GPR176: variants seen among roughly 807,000 people sequenced by gnomAD.
GPR176 encodes G protein-coupled receptor 176.
In GPR176, 26 loss-of-function variants were observed where a neutral mutation model predicts 35.4. The ratio of observed to expected loss-of-function variants is 0.74; its 90% confidence interval spans 0.54 to 1.02. The LOEUF is 1.02. Ranked by LOEUF, GPR176 falls within the 50% of genes least tolerant of loss-of-function variation. The probability of loss-of-function intolerance (pLI) is 0.00; values close to 1 mark genes in which losing one functional copy is unlikely to be tolerated. For missense variants in GPR176, 597 were observed against 665.3 expected, an observed-to-expected ratio of 0.90 and a Z score of 1.13; for synonymous variants, 278 against 271.3, an observed-to-expected ratio of 1.02 and a Z score of -0.24.
chr15:39,886,555 T>A (rs1268116814), intron 1 of GPR176, among the ~76,000 whole-genome samples: 1 of 152,094 alleles, frequency 6.6e-6, no homozygotes, highest in Non-Finnish European at 1.5e-5. Flanking sequence ...GCCTGAATGA[T>A]CTCAAAAATT....
intron 1 of GPR176, among the ~76,000 whole-genome samples, chr15:39,810,560 A>G (rs1231969940): frequency 1.3e-5 from 2 of 152,262 alleles, no homozygotes; most frequent in Non-Finnish European, 2.9e-5. Context: ...TGTGCATCTG[A>G]GAATCCTTCT....
chr15:39,859,984 G>T (rs1462808602), intron 1 of GPR176, among the ~76,000 whole-genome samples: 4 of 86,870 alleles, frequency 4.6e-5, no homozygotes, highest in African/African-American at 2.4e-4. Flanking sequence ...CAATAAAAAA[G>T]GCTTAAATCA....
intron 1 of GPR176, among the ~76,000 whole-genome samples, chr15:39,821,880 T>G (rs1900296551): frequency 6.6e-6 from 1 of 152,262 alleles, no homozygotes; most frequent in East Asian, 1.9e-4. Flanking sequence ...CATCCCTGTG[T>G]GGGCCTCTCC....
intron 1 of GPR176, among the ~76,000 whole-genome samples, chr15:39,873,649 T>G (rs2032134977): frequency 6.6e-6 from 1 of 150,958 alleles, no homozygotes; most frequent in Admixed American, 6.6e-5. Context: ...CTAGTTTTTC[T>G]TATTAATATA....
At chr15:39,829,512 A>G (rs1484221043) in intron 1 of GPR176, among the ~76,000 whole-genome samples, 2 of 152,328 alleles carry the variant, frequency 1.3e-5, no homozygotes, top group East Asian at 3.9e-4. Flanking sequence ...TAGTTGCTTA[A>G]CAGACTATGG....
intron 1 of GPR176, among the ~76,000 whole-genome samples, chr15:39,912,901 C>A (rs2033617302): frequency 6.6e-6 from 1 of 152,134 alleles, no homozygotes; most frequent in African/African-American, 2.4e-5. Context: ...TTGGAGCTGT[C>A]TGGCAGTTCC....
chr15:39,897,428 T>C (rs2140867375), intron 1 of GPR176, among the ~76,000 whole-genome samples: 1 of 152,320 alleles, frequency 6.6e-6, no homozygotes, highest in African/African-American at 2.4e-5. Context: ...GATTAAGACT[T>C]ATCTCTCAAA....
intron 1 of GPR176, among the ~76,000 whole-genome samples, chr15:39,892,737 A>C (rs2032922822): frequency 6.6e-6 from 1 of 152,234 alleles, no homozygotes. Context: ...AGCCGCCAAA[A>C]GCTAGGACTG....
intron 1 of GPR176, among the ~76,000 whole-genome samples, chr15:39,835,556 C>T (rs1209410411): frequency 6.6e-6 from 1 of 152,104 alleles, no homozygotes; most frequent in South Asian, 2.1e-4. Context: ...CATTATTCCA[C>T]CATCCCGAAT....
intron 1 of GPR176, among the ~76,000 whole-genome samples, chr15:39,905,319 A>C (rs868184497): frequency 1.6e-4 from 24 of 152,284 alleles, no homozygotes; most frequent in Middle Eastern, 3.4e-3. Context: ...TCATTCAAAA[A>C]GGTCATATAG....
intron 1 of GPR176, among the ~76,000 whole-genome samples, chr15:39,850,869 A>G (rs901395874): frequency 6.6e-6 from 1 of 152,152 alleles, no homozygotes; most frequent in African/African-American, 2.4e-5. Flanking sequence ...ACAAAAAAAC[A>G]AAAAACAATA....
intron 1 of GPR176, among the ~76,000 whole-genome samples, chr15:39,827,402 G>A (rs562916609): frequency 2.0e-5 from 3 of 152,282 alleles, no homozygotes; most frequent in African/African-American, 4.8e-5. Flanking sequence ...AAGGAGGGGC[G>A]GCATGAGGTT....
chr15:39,857,258 A>G (rs1464550021), intron 1 of GPR176, among the ~76,000 whole-genome samples: 1 of 152,246 alleles, frequency 6.6e-6, no homozygotes, highest in Non-Finnish European at 1.5e-5. Context: ...TTCTGGCAGC[A>G]GGGCAAACTC....
intron 1 of GPR176, among the ~76,000 whole-genome samples, chr15:39,843,719 T>C (rs1258626898): frequency 6.6e-6 from 1 of 152,172 alleles, no homozygotes; most frequent in Non-Finnish European, 1.5e-5. Flanking sequence ...TACTAGACAT[T>C]TGATGGCAGC....
At chr15:39,860,479 T>C (rs532664105) in intron 1 of GPR176, among the ~76,000 whole-genome samples, 8 of 152,350 alleles carry the variant, frequency 5.3e-5, no homozygotes, top group African/African-American at 1.9e-4. Flanking sequence ...ATACACAGTG[T>C]CAATGGCAAA....
At chr15:39,899,966 C>G (rs897258487) in intron 1 of GPR176, among the ~76,000 whole-genome samples, 2 of 151,880 alleles carry the variant, frequency 1.3e-5, no homozygotes, top group Admixed American at 6.6e-5. Context: ...CCGTTAAACT[C>G]TTTTTTAAAA....
chr15:39,812,329 C>T (rs577284792), intron 1 of GPR176, among the ~76,000 whole-genome samples: 3 of 152,260 alleles, frequency 2.0e-5, no homozygotes, highest in Admixed American at 1.3e-4. Flanking sequence ...GCTGCCAGCA[C>T]GGCAAGAATA....
At chr15:39,881,088 T>C (rs903084627) in intron 1 of GPR176, among the ~76,000 whole-genome samples, 2 of 151,996 alleles carry the variant, frequency 1.3e-5, no homozygotes, top group African/African-American at 4.8e-5. Context: ...CCAGCCTCAC[T>C]TTTCACCTTA....
intron 1 of GPR176, among the ~76,000 whole-genome samples, chr15:39,844,408 G>C (rs1273783833): frequency 6.6e-6 from 1 of 152,004 alleles, no homozygotes; most frequent in Non-Finnish European, 1.5e-5. Context: ...ACATTATATA[G>C]CTATCAGTTT....
Sources: gnomAD v4.1 joint callset for allele counts (sites outside exome capture counted in the v4.1 genomes callset) on GRCh38, gnomAD v4.1.1 for gene constraint, MANE v1.5 for transcripts, NCBI Gene and HGNC (gene_info 2026-07-23, HGNC 2026-07-21) for gene names.